CDH13: variants seen among roughly 807,000 people sequenced by gnomAD.
CDH13 encodes cadherin 13, also known as cadherin-13.
Under a neutral mutation model 63.8 loss-of-function variants are expected in CDH13, and 24 were observed. The ratio of observed to expected loss-of-function variants is 0.38; its 90% confidence interval spans 0.27 to 0.53. The LOEUF (loss-of-function observed/expected upper bound fraction) is 0.53, where lower values mean the gene tolerates loss of function less well. Among genes scored for constraint, CDH13 ranks in the 20% least tolerant of loss-of-function variants. CDH13 has a pLI of 0.85. For missense variants in CDH13, 1,049 were observed against 903.1 expected, an observed-to-expected ratio of 1.16 and a Z score of -2.07; for synonymous variants, 503 against 355.3, an observed-to-expected ratio of 1.42 and a Z score of -4.67.
intron 2 of CDH13, among the ~76,000 whole-genome samples, chr16:83,020,746 GTCC>G (rs1273997991): frequency 6.6e-6 from 1 of 152,160 alleles, no homozygotes; most frequent in Non-Finnish European, 1.5e-5. Flanking sequence ...TGCAGAAGTA[GTCC>G]TCCTCAGAGG....
chr16:83,342,066 G>T (rs1001702300), intron 5 of CDH13, among the ~76,000 whole-genome samples: 2 of 149,744 alleles, frequency 1.3e-5, no homozygotes, highest in Non-Finnish European at 3.0e-5. Context: ...TGATGGAAAT[G>T]TTCTACATCT....
chr16:82,794,289 C>G (rs1298810528), intron 1 of CDH13, among the ~76,000 whole-genome samples: 1 of 150,646 alleles, frequency 6.6e-6, no homozygotes, highest in Non-Finnish European at 1.5e-5. Flanking sequence ...TTTGAAAACC[C>G]CTGGTTTAAA....
At chr16:83,580,446 ATTTCTCTCTCTCTCTCTCTCTCTC>A (rs1383218240) in intron 7 of CDH13, among the ~76,000 whole-genome samples, 5 of 101,196 alleles carry the variant, frequency 4.9e-5, no homozygotes, top group African/African-American at 1.8e-4. Context: ...ATTTCTGTTC[ATTTCTCTCTCTCTCTCTCTCTCTC>A]TCTCTCTCTC....
At chr16:82,686,758 G>C (rs796598147) in intron 1 of CDH13, among the ~76,000 whole-genome samples, 3 of 152,284 alleles carry the variant, frequency 2.0e-5, no homozygotes, top group African/African-American at 7.2e-5. Flanking sequence ...GAGTGATCAA[G>C]AAGAGCCTTT....
intron 2 of CDH13, among the ~76,000 whole-genome samples, chr16:82,963,796 G>C (rs538838833): frequency 6.6e-6 from 1 of 152,272 alleles, no homozygotes; most frequent in East Asian, 1.9e-4. Flanking sequence ...CCTTGGCACG[G>C]GAAGCCCAGG....
intron 2 of CDH13, among the ~76,000 whole-genome samples, chr16:82,983,952 G>T (rs1056546310): frequency 5.3e-5 from 8 of 152,164 alleles, no homozygotes; most frequent in Non-Finnish European, 1.2e-4. Context: ...TGACAGAGTG[G>T]GTAGCTGGAG....
intron 7 of CDH13, among the ~76,000 whole-genome samples, chr16:83,516,985 G>A (rs1052404132): frequency 1.3e-5 from 2 of 152,190 alleles, no homozygotes; most frequent in Non-Finnish European, 2.9e-5. Context: ...ATCAGTGAGT[G>A]TAAGAAATTG....
At chr16:82,687,142 A>G (rs1266882259) in intron 1 of CDH13, among the ~76,000 whole-genome samples, 3 of 152,152 alleles carry the variant, frequency 2.0e-5, no homozygotes, top group Admixed American at 6.5e-5. Flanking sequence ...TTTACCTAAG[A>G]TGGAGAGGCC....
At chr16:83,474,218 TCTC>T (rs1309398583) in intron 6 of CDH13, among the ~76,000 whole-genome samples, 1 of 152,116 alleles carries the variant, frequency 6.6e-6, no homozygotes, top group Non-Finnish European at 1.5e-5. Flanking sequence ...ACTGCAAAGG[TCTC>T]CTCCTCAGTG....
chr16:83,509,836 G>A (rs1376224385), intron 7 of CDH13, among the ~76,000 whole-genome samples: 1 of 152,126 alleles, frequency 6.6e-6, no homozygotes, highest in Non-Finnish European at 1.5e-5. Flanking sequence ...TGAGTTTGGA[G>A]GACCTTGTTT....
chr16:82,944,930 T>A (rs747198802), intron 2 of CDH13, among the ~76,000 whole-genome samples: 14 of 152,078 alleles, frequency 9.2e-5, no homozygotes, highest in Non-Finnish European at 1.6e-4. Flanking sequence ...TTTAAAAAAA[T>A]ACACAGGGGG....
At chr16:83,191,715 T>A (rs1203096072) in intron 4 of CDH13, among the ~76,000 whole-genome samples, 1 of 151,544 alleles carries the variant, frequency 6.6e-6, no homozygotes, top group Admixed American at 6.6e-5. Context: ...GCAGGAAGCA[T>A]CCAGCATGGG....
intron 1 of CDH13, among the ~76,000 whole-genome samples, chr16:82,846,274 G>C (rs1332801259): frequency 6.6e-6 from 1 of 152,104 alleles, no homozygotes; most frequent in East Asian, 1.9e-4. Flanking sequence ...CAAAGAGCAT[G>C]TTGTTCCTTC....
At chr16:83,555,321 C>A (rs1036082045) in intron 7 of CDH13, among the ~76,000 whole-genome samples, 1 of 152,174 alleles carries the variant, frequency 6.6e-6, no homozygotes, top group East Asian at 1.9e-4. Context: ...ATTGAAAACA[C>A]CTGGAAGATT....
chr16:83,084,403 C>T (rs956978935), intron 3 of CDH13, among the ~76,000 whole-genome samples: 5 of 152,186 alleles, frequency 3.3e-5, no homozygotes, highest in Non-Finnish European at 7.3e-5. Context: ...ATGCCCTGGG[C>T]AGCTGAATTA....
chr16:83,149,353 C>A (rs1394084894), intron 4 of CDH13, among the ~76,000 whole-genome samples: 1 of 152,106 alleles, frequency 6.6e-6, no homozygotes. Flanking sequence ...AAAGACATGG[C>A]AATGACATCT....
intron 1 of CDH13, among the ~76,000 whole-genome samples, chr16:82,802,731 G>T (rs190714043): frequency 2.6e-4 from 39 of 151,462 alleles, no homozygotes; most frequent in Admixed American, 1.1e-3. Flanking sequence ...GAGCATACTG[G>T]GGAAAAGTGA....
intron 1 of CDH13, among the ~76,000 whole-genome samples, chr16:82,645,102 C>T (rs1257792303): frequency 6.6e-6 from 1 of 152,098 alleles, no homozygotes; most frequent in Non-Finnish European, 1.5e-5. Context: ...GTCTCGGGCA[C>T]TAACTCACAG....
At chr16:83,137,168 A>C (rs897731113) in intron 4 of CDH13, among the ~76,000 whole-genome samples, 1 of 152,208 alleles carries the variant, frequency 6.6e-6, no homozygotes, top group Admixed American at 6.5e-5. Context: ...AGCTGGTCTC[A>C]TGCCCAGTTT....
Sources: allele counts gnomAD v4.1 joint callset (sites outside exome capture counted in the v4.1 genomes callset), GRCh38; gene constraint gnomAD v4.1.1; transcripts MANE v1.5; gene names NCBI Gene and HGNC (gene_info 2026-07-23, HGNC 2026-07-21).